CCPG1: variants seen among roughly 807,000 people sequenced by gnomAD.
CCPG1 encodes cell cycle progression 1.
A neutral mutation model predicts 81.3 loss-of-function variants in CCPG1; 46 were observed. The ratio of observed to expected loss-of-function variants is 0.57; its 90% CI spans 0.45 to 0.72. The LOEUF is 0.72. CCPG1 is among the 30% of genes least tolerant of loss of function. CCPG1 has a pLI of 0.00. For missense variants in CCPG1, 902 were observed against 937.6 expected (o/e 0.96, Z 0.50); for synonymous variants, 330 against 305.2 (o/e 1.08, Z -0.85).
intron 6 of CCPG1, among the ~76,000 whole-genome samples, chr15:55,365,530 C>T (rs879240241): frequency 6.7e-6 from 1 of 150,006 alleles, no homozygotes; most frequent in Non-Finnish European, 1.5e-5. Context: ...AAGCAATTCT[C>T]GTGACTCAGC....
At chr15:55,363,710 C>A (rs1237039256) in intron 7 of CCPG1, among the ~76,000 whole-genome samples, 1 of 149,490 alleles carries the variant, frequency 6.7e-6, no homozygotes, top group Admixed American at 6.7e-5. Flanking sequence ...AGAAATATAA[C>A]CTGTAAGGGA....
Position 55,356,302 on chromosome 15 carries a change from T to C in CCPG1, c.2342A>G (p.His781Arg), listed in dbSNP as rs1335790307. Residue 781 changes from histidine to arginine, a missense_variant, in exon 9 of 9, where the codon CAT becomes CGT. Around this residue, in one of 3 missense-constraint regions of CCPG1, gnomAD observed 128 missense variants for 161.2 expected, o/e 0.79. Coordinates refer to ENST00000442196, the MANE Select transcript of CCPG1 (RefSeq NM_001204450.2). ...PQPYKREGKW[H>R]KYGRTNGRQM... ...TCTTCCATTAGTGCGACCATATTTA[T>C]GCCATTTACCTTCCCTTTTATAAGG... The C allele has an allele frequency of 7.8e-6, 12 of 1,535,500 alleles. No individual in the cohort carries two copies. In the East Asian group the frequency reaches 9.8e-5, roughly 13 times the overall value.
rs766086509 is a variant in CCPG1 at position 55,360,128 on chromosome 15, T to C, written c.1645A>G (p.Asn549Asp). Reference sequence around the variant, plus strand: ...TCTTTTGTAGCACCAAATCTTTTATTACCCTTTTCATCAAAGATATTCTTG... The same window carrying C: ...TCTTTTGTAGCACCAAATCTTTTATCACCCTTTTCATCAAAGATATTCTTG... ...TTKNIFDEKG[N>D]KRFGATKEAA... Residue 549 changes from asparagine to aspartate, a missense_variant, in exon 8 of 9, where the codon AAT (asparagine) becomes GAT (aspartate). Physicochemically the swap from Asn to Asp is conservative, Grantham distance 23 (BLOSUM62 1). Coordinates refer to ENST00000442196, the MANE Select transcript of CCPG1 (RefSeq NM_001204450.2). 3.7e-6 allele frequency: 6 copies of C among 1,613,758 alleles called. No homozygotes were observed. In the African/African-American group the frequency reaches 5.3e-5, roughly 14 times the overall value.
At chr15:55,384,299 G>C (rs2056758626) in intron 3 of CCPG1, among the ~76,000 whole-genome samples, 1 of 152,152 alleles carries the variant, frequency 6.6e-6, no homozygotes, top group Non-Finnish European at 1.5e-5. Context: ...AATTACAATA[G>C]TAAAATCAAA....
intron 7 of CCPG1, among the ~76,000 whole-genome samples, chr15:55,362,341 G>GA (rs139033119): frequency 0.051 from 7,571 of 147,806 alleles, 263 homozygotes; most frequent in East Asian, 0.15. Context: ...AAAAAAAAAG[G>GA]AAAAAAAAAT....
intron 8 of CCPG1, chr15:55,358,849 G>T: frequency 1.0e-6 from 1 of 971,116 alleles, no homozygotes; most frequent in Non-Finnish European, 1.2e-6. Flanking sequence ...TTATTTTATA[G>T]ACACATTATA....
In CCPG1 at chr15:55,359,836, G is replaced by C. The variant is rs17857027; in HGVS notation, c.1937C>G (p.Thr646Arg). 6 of 1,613,320 alleles carry C rather than the reference G, an allele frequency of 3.7e-6. No homozygotes were observed. The highest frequency in any genetic ancestry group is 5.1e-6 in the Non-Finnish European group (6 of 1,179,850). Reference protein sequence around the residue: ...AQQESMSLFNTVVNPIRMDEF... With the variant: ...AQQESMSLFNRVVNPIRMDEF... ...ATCCATCCTTATAGGATTCACCACTGTGTTAAAAAGGCTCATGGACTCTTG... is the reference window on the plus strand; with the variant it reads ...ATCCATCCTTATAGGATTCACCACTCTGTTAAAAAGGCTCATGGACTCTTG... Residue 646 changes from threonine (T) to arginine (R), a missense_variant, in exon 8 of 9, where the codon ACA (threonine) becomes AGA (arginine). By Grantham distance (71) the Thr-to-Arg change is moderately conservative. Transcript: ENST00000442196.
At chr15:55,378,924 C>T (rs1422867118) in intron 3 of CCPG1, among the ~76,000 whole-genome samples, 3 of 152,106 alleles carry the variant, frequency 2.0e-5, no homozygotes, top group East Asian at 1.9e-4. Flanking sequence ...CTCAAAGCTA[C>T]CTTGACTAAG....
chr15:55,376,100 T>G (rs1198884169), intron 5 of CCPG1, among the ~76,000 whole-genome samples: 1 of 152,204 alleles, frequency 6.6e-6, no homozygotes, highest in African/African-American at 2.4e-5. Flanking sequence ...CTAAAAAAAT[T>G]ATCTAAAATA....
At chr15:55,369,821 T>G (rs1216953111) in intron 6 of CCPG1, among the ~76,000 whole-genome samples, 1 of 152,184 alleles carries the variant, frequency 6.6e-6, no homozygotes, top group Non-Finnish European at 1.5e-5. Flanking sequence ...TATTCAAAGG[T>G]CATGTAAATG....
chr15:55,369,319 T>C (rs1056154494), intron 6 of CCPG1, among the ~76,000 whole-genome samples: 2 of 152,096 alleles, frequency 1.3e-5, no homozygotes, highest in Non-Finnish European at 2.9e-5. Context: ...ACAGATCACC[T>C]GAGGTCAGGA....
chr15:55,403,381 AG>A (rs2057161122), intron 1 of CCPG1, among the ~76,000 whole-genome samples: 1 of 151,646 alleles, frequency 6.6e-6, no homozygotes, highest in African/African-American at 2.4e-5. Context: ...AGATTTTAAA[AG>A]AATAGTGATT....
At chr15:55,378,158 G>GTCCTCTAAGACATCTAAC (rs2056604787) in intron 4 of CCPG1, 142 bp downstream of exon 4, 5 of 469,454 alleles carry the variant, frequency 1.1e-5, no homozygotes, top group African/African-American at 2.0e-5. Flanking sequence ...TTGCTTAGAT[G>GTCCTCTAAGACATCTAAC]TCCTCTAAGA....
intron 1 of CCPG1, among the ~76,000 whole-genome samples, chr15:55,394,263 G>A (rs1179552627): frequency 1.3e-5 from 2 of 152,170 alleles, no homozygotes; most frequent in Non-Finnish European, 2.9e-5. Context: ...TGGGATTACA[G>A]GTGTGAGCCA....
chr15:55,360,537 T>A lies in CCPG1; in HGVS notation c.1236A>T (p.Ser412=), dbSNP rs1289804318. The change falls in exon 8 of 9, where the codon TCA becomes TCT. Residue 412 remains serine, a synonymous_variant. Transcript: ENST00000442196. ...QLSGSQLHGK[S]DSPNVYTEKK... The stretch of plus-strand genomic sequence containing the variant: ...TTTCAGTATATACATTGGGAGAATC[T>A]GACTTGCCATGTAACTGACTACCAC... 1 of 1,614,016 alleles carries A rather than the reference T, an allele frequency of 6.2e-7. No homozygotes were observed. Among genetic ancestry groups the A allele is most frequent in the African/African-American group, 1.3e-5 (1 of 74,908 alleles).
chr15:55,389,870 A>G (rs1295897384), intron 1 of CCPG1, among the ~76,000 whole-genome samples: 1 of 152,230 alleles, frequency 6.6e-6, no homozygotes, highest in African/African-American at 2.4e-5. Context: ...TGCCAAGAAA[A>G]TGAAGTCTGT....
rs1018160953 is a variant in CCPG1, at chr15:55,388,366, A to C, written c.60+999T>G. 3.3e-5 allele frequency among the ~76,000 whole-genome samples: 5 copies of C among 152,296 alleles called. No individual in the cohort carries two copies. In the East Asian group the frequency reaches 9.6e-4, roughly 29 times the overall value. On this transcript the variant is annotated intron_variant, in intron 2 of 8. Coordinates refer to ENST00000442196, the MANE Select transcript of CCPG1 (RefSeq NM_001204450.2). ...TGTACAAGTTATGTATACTTGTTGT[A>C]TGTATATCAATCTTCTATTATAAAA... is the stretch of plus-strand genomic sequence containing the variant.
intron 3 of CCPG1, among the ~76,000 whole-genome samples, chr15:55,382,297 A>G (rs1769255297): frequency 6.6e-6 from 1 of 152,224 alleles, no homozygotes; most frequent in East Asian, 1.9e-4. Context: ...AATTGGAGTC[A>G]ATCTTCTCAA....
chr15:55,356,759 A>ATACAT (rs748068748), intron 8 of CCPG1: 2 of 1,017,942 alleles, frequency 2.0e-6, no homozygotes, highest in Non-Finnish European at 2.3e-6. Flanking sequence ...CTCAGCAGAA[A>ATACAT]TACATACACA....
Sources: allele counts gnomAD v4.1 joint callset (sites outside exome capture counted in the v4.1 genomes callset), GRCh38; gene constraint gnomAD v4.1.1; regional missense constraint gnomAD v4.1.1; transcripts MANE v1.5; gene names NCBI Gene and HGNC (gene_info 2026-07-23, HGNC 2026-07-21).